GTF2H1: variants seen among roughly 807,000 people sequenced by gnomAD.
GTF2H1 encodes the protein BTF2 p62.
In GTF2H1, 16 loss-of-function variants were observed where a neutral mutation model predicts 71.2. That is an observed-to-expected ratio of 0.22 (90% CI 0.15 to 0.34). GTF2H1 has a LOEUF of 0.34. Ranked by LOEUF, GTF2H1 falls within the 10% of genes least tolerant of loss-of-function variation. The pLI is 1.00. For missense variants in GTF2H1, 498 were observed against 648.2 expected (o/e 0.77, Z 2.52); for synonymous variants, 215 against 219.0 (o/e 0.98, Z 0.16).
intron 11 of GTF2H1, among the ~76,000 whole-genome samples, chr11:18,353,650 C>T (rs186421260): frequency 9.9e-5 from 15 of 152,280 alleles, no homozygotes; most frequent in African/African-American, 2.9e-4. Flanking sequence ...TCCTTTTCTC[C>T]GTTTTTATGA....
At chr11:18,357,113 C>A (rs1277349630) in intron 11 of GTF2H1, among the ~76,000 whole-genome samples, 2 of 152,132 alleles carry the variant, frequency 1.3e-5, no homozygotes, top group African/African-American at 4.8e-5. Context: ...TGTTTTCATC[C>A]AATCTATACA....
rs762360036 is a variant in GTF2H1, at chr11:18,338,249, A to T, written c.488A>T (p.Asp163Val). The T allele has an allele frequency of 6.2e-6, 10 of 1,612,068 alleles. No individual in the cohort carries two copies. Among genetic ancestry groups the T allele is most frequent in the Non-Finnish European group, 8.5e-6 (10 of 1,178,194 alleles). Residue 163 changes from aspartate (D) to valine (V), a missense_variant, in exon 4 of 15, where the codon GAT becomes GTT. Transcript: ENST00000265963. Reference protein sequence around the residue: ...DSSSTSNHKQDVGISAAFLAD... With the variant: ...DSSSTSNHKQVVGISAAFLAD... ...TCTTCCACATCCAATCATAAGCAGG[A>T]TGTTGGCATTTCTGCTGCATTTCTG...
intron 7 of GTF2H1, among the ~76,000 whole-genome samples, chr11:18,344,475 C>T (rs536790930): frequency 4.6e-5 from 7 of 152,002 alleles, no homozygotes; most frequent in Non-Finnish European, 7.4e-5. Context: ...AAAAATTAGC[C>T]GGGCCTGGCG....
At chr11:18,338,776 A>G (rs923873989) in intron 4 of GTF2H1, among the ~76,000 whole-genome samples, 5 of 152,176 alleles carry the variant, frequency 3.3e-5, no homozygotes, top group Admixed American at 2.0e-4. Flanking sequence ...TAAAATACAT[A>G]TAATTTTTTT....
At chr11:18,346,591 C>T (rs1865298316) in intron 7 of GTF2H1, among the ~76,000 whole-genome samples, 1 of 152,086 alleles carries the variant, frequency 6.6e-6, no homozygotes, top group African/African-American at 2.4e-5. Flanking sequence ...AATATAATCT[C>T]ATTTTATTCT....
intron 9 of GTF2H1, among the ~76,000 whole-genome samples, chr11:18,349,699 A>G (rs1263914204): frequency 6.6e-6 from 1 of 151,708 alleles, no homozygotes; most frequent in Non-Finnish European, 1.5e-5. Flanking sequence ...AAAATAAAAA[A>G]GAAATTTATT....
chr11:18,341,417 G>A lies in GTF2H1; in HGVS notation c.757+7G>A. 6.2e-7 allele frequency: 1 copy of A among 1,613,456 alleles called. No homozygotes were observed. Among genetic ancestry groups the A allele is most frequent in the East Asian group, 2.2e-5 (1 of 44,838 alleles). On this transcript the variant is annotated splice_region_variant and intron_variant, in intron 6 of 14. Coordinates refer to ENST00000265963, the MANE Select transcript of GTF2H1 (RefSeq NM_005316.4). ...GCCAAAATAGATGAAAAAGGTAACT[G>A]TTTATCTCTGATAGACACTGGTATT...
chr11:18,357,708 A>T lies in GTF2H1; in HGVS notation c.1261-244A>T, dbSNP rs1338719702. Among the ~76,000 whole-genome samples the T allele has an allele frequency of 3.3e-5, 5 of 152,148 alleles. No individual in the cohort carries two copies. In the South Asian group the frequency reaches 6.2e-4, roughly 19 times the overall value. ...GGCTTTAACTAGGCAAAACCTTGGG[A>T]GTTTTGAGGTCCCTGTGGACTTGCC... On this transcript the variant is annotated intron_variant, in intron 11 of 14. Coordinates refer to ENST00000265963, the MANE Select transcript of GTF2H1 (RefSeq NM_005316.4).
intron 3 of GTF2H1, 108 bp downstream of exon 3, chr11:18,336,054 G>T: frequency 4.3e-6 from 3 of 691,010 alleles, no homozygotes; most frequent in South Asian, 2.5e-5. Context: ...TTTGGTTTTG[G>T]TTTTTTGTTG....
At chr11:18,323,562 A>AC (rs1266188393) in intron 1 of GTF2H1, among the ~76,000 whole-genome samples, 58 of 152,266 alleles carry the variant, frequency 3.8e-4, no homozygotes, top group African/African-American at 1.2e-3. Context: ...TAAAAACAAA[A>AC]ACAAAAAAAA....
intron 11 of GTF2H1, among the ~76,000 whole-genome samples, chr11:18,353,179 C>T (rs140080265): frequency 9.2e-5 from 14 of 152,284 alleles, no homozygotes; most frequent in African/African-American, 2.6e-4. Flanking sequence ...GAGCTGACAC[C>T]GCGCCATTGC....
At chr11:18,341,203 T>G in intron 5 of GTF2H1, 58 bp from the exon 6 acceptor site, 2 of 1,377,860 alleles carry the variant, frequency 1.5e-6, no homozygotes, top group South Asian at 2.5e-5. Context: ...GTTACCTAAT[T>G]TGAGAGGTTT....
Position 18,347,817 on chromosome 11 carries a change from C to G in GTF2H1, c.966-15C>G. On this transcript the variant is annotated splice_polypyrimidine_tract_variant and intron_variant, in intron 8 of 14. Transcript: ENST00000265963. ...TGGTTTTTAACGTTAACTTTTTTTT[C>G]CCCTTTATTTTAAGAGAAGCACAAA... The G allele has an allele frequency of 6.3e-7, 1 of 1,588,496 alleles. No homozygotes were observed. Among genetic ancestry groups the G allele is most frequent in the Non-Finnish European group, 8.6e-7 (1 of 1,167,554 alleles).
At chr11:18,324,855 G>A (rs981691482) in intron 1 of GTF2H1, among the ~76,000 whole-genome samples, 2 of 152,034 alleles carry the variant, frequency 1.3e-5, no homozygotes, top group African/African-American at 2.4e-5. Flanking sequence ...CATCTCTGTC[G>A]CATTTTCCTC....
intron 14 of GTF2H1, among the ~76,000 whole-genome samples, chr11:18,363,655 A>G (rs1293736293): frequency 6.6e-6 from 1 of 152,216 alleles, no homozygotes; most frequent in African/African-American, 2.4e-5. Flanking sequence ...AAAATACAAA[A>G]CAGCATTACT....
intron 1 of GTF2H1, among the ~76,000 whole-genome samples, chr11:18,332,420 A>G (rs1036790738): frequency 2.0e-5 from 3 of 152,194 alleles, no homozygotes; most frequent in Non-Finnish European, 4.4e-5. Context: ...CAGGGGATGG[A>G]GGTGGAGGGA....
intron 1 of GTF2H1, among the ~76,000 whole-genome samples, chr11:18,331,969 C>T (rs1352984223): frequency 6.6e-6 from 1 of 152,066 alleles, no homozygotes; most frequent in Non-Finnish European, 1.5e-5. Flanking sequence ...AAGCAATTCT[C>T]CCCCTTTGGC....
chr11:18,365,955 G>T lies in GTF2H1; in HGVS notation c.*86G>T, dbSNP rs1865815628. 1 of 849,568 alleles carries T rather than the reference G, an allele frequency of 1.2e-6. No homozygotes were observed. Among genetic ancestry groups the T allele is most frequent in the Non-Finnish European group, 2.0e-6 (1 of 507,202 alleles). 52.6% of individuals were successfully genotyped at this position (849,568 alleles called of 1,614,324 possible). A position where few individuals can be genotyped will look rare whatever the true frequency, so the allele number is the denominator to read the frequency against. On this transcript the variant is annotated 3_prime_UTR_variant, in exon 15 of 15. Coordinates refer to ENST00000265963, the MANE Select transcript of GTF2H1 (RefSeq NM_005316.4). ...GGAAACCTGGCCTGACAGACAAGCA[G>T]ATGACCTCACAGGAGTGATAAGAAA...
rs933285154 is a variant in GTF2H1, at chr11:18,322,608, A to G, written c.-148A>G. ...GCGATGGAGGCGAGACCCCCTAGTA[A>G]CAGAGGCGGTGGCTACTGCTGCGGC... On this transcript the variant is annotated 5_prime_UTR_variant, in exon 1 of 15. Coordinates refer to ENST00000265963, the MANE Select transcript of GTF2H1 (RefSeq NM_005316.4). 6.6e-6 allele frequency: 1 copy of G among 152,160 alleles called. No homozygotes were observed. Among genetic ancestry groups the G allele is most frequent in the Admixed American group, 6.5e-5 (1 of 15,272 alleles). 9.4% of individuals were successfully genotyped at this position (152,160 alleles called of 1,614,324 possible). A position where few individuals can be genotyped will look rare whatever the true frequency, so the allele number is the denominator to read the frequency against.
Sources: gnomAD v4.1 joint callset for allele counts (sites outside exome capture counted in the v4.1 genomes callset) on GRCh38, gnomAD v4.1.1 for gene constraint, MANE v1.5 for transcripts, NCBI Gene and HGNC (gene_info 2026-07-23, HGNC 2026-07-21) for gene names.